Variants in PHF23 observed in about 807,000 individuals in gnomAD.
PHF23 encodes the protein PHD finger protein 23, also known as PDH-containing protein JUNE-1.
A neutral mutation model predicts 36.0 loss-of-function variants in PHF23; 3 were observed. The ratio of observed to expected loss-of-function variants is 0.08; its 90% CI spans 0.04 to 0.22. The LOEUF is 0.22. PHF23 is among the 10% of genes least tolerant of loss of function. The probability of loss-of-function intolerance (pLI) is 1.00; values close to 1 mark genes in which losing one functional copy is unlikely to be tolerated. For missense variants in PHF23, 475 were observed against 513.6 expected, an observed-to-expected ratio of 0.92 and a Z score of 0.73; for synonymous variants, 242 against 192.5, an observed-to-expected ratio of 1.26 and a Z score of -2.13.
At position 7,239,399 on chromosome 17, in the gene PHF23, T is replaced by C. The variant is rs1276820270; in HGVS notation, c.-120A>G. On this transcript the variant is annotated 5_prime_UTR_variant, in exon 1 of 5. Coordinates refer to ENST00000320316, the MANE Select transcript of PHF23 (RefSeq NM_024297.3). Reference sequence around the variant, plus strand: ...CACAGAAGTGTCCGCCTCAGCCCGGTTGAGACTCGAGTCCGCTAGCCGCTG... The same window carrying C: ...CACAGAAGTGTCCGCCTCAGCCCGGCTGAGACTCGAGTCCGCTAGCCGCTG... 3.8e-6 allele frequency: 2 copies of C among 526,738 alleles called. No individual in the cohort carries two copies. Among genetic ancestry groups the C allele is most frequent in the South Asian group, 2.1e-5 (1 of 47,140 alleles). The allele number at this position is 526,738 out of a possible 1,614,324, so 32.6% of individuals were successfully genotyped here.
At position 7,239,395 on chromosome 17, in the gene PHF23, C is replaced by A. The variant is rs1342766711; in HGVS notation, c.-116G>T. The A allele has an allele frequency of 9.5e-5, 53 of 558,170 alleles. No homozygotes were observed. Among genetic ancestry groups the A allele is most frequent in the Non-Finnish European group, 3.3e-6 (1 of 306,360 alleles). The allele number at this position is 558,170 out of a possible 1,614,324, so 34.6% of individuals were successfully genotyped here. Reference sequence around the variant, plus strand: ...GCTCCACAGAAGTGTCCGCCTCAGCCCGGTTGAGACTCGAGTCCGCTAGCC... The same window carrying A: ...GCTCCACAGAAGTGTCCGCCTCAGCACGGTTGAGACTCGAGTCCGCTAGCC... On this transcript the variant is annotated 5_prime_UTR_variant, in exon 1 of 5. Coordinates refer to ENST00000320316, the MANE Select transcript of PHF23 (RefSeq NM_024297.3).
At position 7,236,093 on chromosome 17, in the gene PHF23, G is replaced by A. The variant is rs61737789; in HGVS notation, c.834C>T (p.Pro278=). Residue 278 remains proline, a synonymous_variant, in exon 4 of 5, where the codon CCC becomes CCT. Coordinates refer to ENST00000320316, the MANE Select transcript of PHF23 (RefSeq NM_024297.3). This position sits in a 1 kb window ranked among gnomAD's most constrained non-coding sequence, Gnocchi z 5.1. ...GEAPVPVLPT[P]PEAPRPPATV... ...TGGCAGGGGGCCTAGGAGCCTCAGG[G>A]GGTGTTGGCAGCACAGGGACTGGGG... is the stretch of plus-strand genomic sequence containing the variant. The A allele has an allele frequency of 3.5e-3, 5,611 of 1,613,142 alleles. 174 individuals carry two copies. In the African/African-American group the frequency reaches 0.063, roughly 18 times the overall value.
Position 7,235,484 on chromosome 17 carries a change from T to C in PHF23, c.*142A>G, listed in dbSNP as rs1597559867. On this transcript the variant is annotated 3_prime_UTR_variant, in exon 5 of 5. Coordinates refer to ENST00000320316, the MANE Select transcript of PHF23 (RefSeq NM_024297.3). ...AGGATAGGGTGGGAAAGTGAGACAC[T>C]CATTTTCAAACAAGTCTCCCTTGAG... 1.2e-6 allele frequency: 1 copy of C among 836,586 alleles called. No individual in the cohort carries two copies. The highest frequency in any genetic ancestry group is 1.7e-5 in the African/African-American group (1 of 58,798). 51.8% of individuals were successfully genotyped at this position (836,586 alleles called of 1,614,324 possible).
chr17:7,235,773 C>T lies in PHF23; in HGVS notation c.1065G>A (p.Glu355=), dbSNP rs757510261. Reference sequence around the variant, plus strand: ...GGATCCACGTCCCACACAGGCTGCACTCAATCATGGGCCGCCCTGCAAAGG... The same window carrying T: ...GGATCCACGTCCCACACAGGCTGCATTCAATCATGGGCCGCCCTGCAAAGG... ...RKPFAGRPMI[E]CSLCGTWIHL... The change falls in exon 5 of 5, where the codon GAG becomes GAA. Residue 355 remains glutamate (E), a synonymous_variant. Transcript: ENST00000320316. The T allele has an allele frequency of 9.9e-6, 16 of 1,614,160 alleles. No individual in the cohort carries two copies. Among genetic ancestry groups the T allele is most frequent in the Non-Finnish European group, 1.4e-5 (16 of 1,180,044 alleles).
At position 7,235,927 on chromosome 17, in the gene PHF23, C is replaced by T; in HGVS notation, c.997+3G>A. On this transcript the variant is annotated splice_donor_region_variant and intron_variant, in intron 4 of 4. Transcript: ENST00000320316. ...ACCCCTCGCCCCAGCCCGAACCTCT[C>T]ACCTGATTCTACCATGATGTCCTCG... 1 of 1,610,866 alleles carries T rather than the reference C, an allele frequency of 6.2e-7. No homozygotes were observed. The highest frequency in any genetic ancestry group is 8.5e-7 in the Non-Finnish European group (1 of 1,177,398).
Position 7,236,843 on chromosome 17 carries a change from GGAGT to G in PHF23, c.160-80_160-77del. The G allele has an allele frequency of 6.6e-7, 1 of 1,513,668 alleles. No homozygotes were observed. The highest frequency in any genetic ancestry group is 8.8e-7 in the Non-Finnish European group (1 of 1,140,246). 93.8% of individuals were successfully genotyped at this position (1,513,668 alleles called of 1,614,324 possible). Reference sequence around the variant, plus strand: ...CCCCTCCACAAACCCAGCTTGAAAAGGAGTGACTGGATTTACCCCAAAATGTCCT... The same window carrying G: ...CCCCTCCACAAACCCAGCTTGAAAAGGACTGGATTTACCCCAAAATGTCCT... On this transcript the variant is annotated intron_variant, in intron 3 of 4. Transcript: ENST00000320316. The surrounding 1 kb of genome is among the most constrained non-coding windows in gnomAD (Gnocchi z 5.1).
chr17:7,236,579 G>A lies in PHF23; in HGVS notation c.348C>T (p.Phe116=), dbSNP rs1316625139. Residue 116 remains phenylalanine, a synonymous_variant, in exon 4 of 5, where the codon TTC becomes TTT. Transcript: ENST00000320316. The surrounding 1 kb of genome is among the most constrained non-coding windows in gnomAD (Gnocchi z 5.1). The part of the protein sequence containing the change: ...PTQPGPPRST[F]SRLQAPDSAT... Reference sequence around the variant, plus strand: ...CACTGTCGGGGGCCTGCAGACGAGAGAAAGTGGACCTTGGGGGTCCTGGCT... The same window carrying A: ...CACTGTCGGGGGCCTGCAGACGAGAAAAAGTGGACCTTGGGGGTCCTGGCT... The A allele has an allele frequency of 2.5e-6, 4 of 1,614,098 alleles. No homozygotes were observed. In the African/African-American group the frequency reaches 4.0e-5, roughly 16 times the overall value.
chr17:7,235,925 C>T lies in PHF23; in HGVS notation c.997+5G>A. The T allele has an allele frequency of 6.2e-7, 1 of 1,610,982 alleles. No homozygotes were observed. Among genetic ancestry groups the T allele is most frequent in the Non-Finnish European group, 8.5e-7 (1 of 1,177,444 alleles). ...AAACCCCTCGCCCCAGCCCGAACCT[C>T]TCACCTGATTCTACCATGATGTCCT... On this transcript the variant is annotated splice_donor_5th_base_variant and intron_variant, in intron 4 of 4. Coordinates refer to ENST00000320316, the MANE Select transcript of PHF23 (RefSeq NM_024297.3).
chr17:7,236,469 G>A lies in PHF23; in HGVS notation c.458C>T (p.Ser153Phe), dbSNP rs202244473. ...AGGGGGCCGGGAGGTATGTGTCAGGGATGTGGGGGACAAAGGAGATGCCAC... is the reference window on the plus strand; with the variant it reads ...AGGGGGCCGGGAGGTATGTGTCAGGAATGTGGGGGACAAAGGAGATGCCAC... ...PKVASPLSPTSLTHTSRPPAA... is the reference protein window; with the variant it reads ...PKVASPLSPTFLTHTSRPPAA... Residue 153 changes from serine (S) to phenylalanine (F), a missense_variant, in exon 4 of 5, where the codon TCC (serine) becomes TTC (phenylalanine). By Grantham distance (155) the Ser-to-Phe change is radical (BLOSUM62 -2). Transcript: ENST00000320316. This position sits in a 1 kb window ranked among gnomAD's most constrained non-coding sequence, Gnocchi z 5.1. 1 of 1,613,900 alleles carries A rather than the reference G, an allele frequency of 6.2e-7. No homozygotes were observed. The highest frequency in any genetic ancestry group is 1.3e-5 in the African/African-American group (1 of 75,028).
chr17:7,240,631 G>C (rs2071765760), upstream of PHF23: 2 of 524,580 alleles, frequency 3.8e-6, no homozygotes, highest in African/African-American at 1.9e-5. Flanking sequence ...GGATGGGAAA[G>C]GCGGGCAGAG....
chr17:7,236,230 G>A lies in PHF23; in HGVS notation c.697C>T (p.Pro233Ser). 6.2e-7 allele frequency: 1 copy of A among 1,613,360 alleles called. No individual in the cohort carries two copies. Among genetic ancestry groups the A allele is most frequent in the Non-Finnish European group, 8.5e-7 (1 of 1,179,602 alleles). ...LKKAERGDRL[P>S]PPGPPQAPPS... ...GGTGCCTGGGGAGGCCCAGGAGGTG[G>A]GAGTCTATCCCCCCGTTCTGCCTTT... Residue 233 changes from proline (P) to serine (S), a missense_variant, in exon 4 of 5, where the codon CCA becomes TCA. Physicochemically the swap from Pro to Ser is moderately conservative, Grantham distance 74. Around this residue, in one of 5 missense-constraint regions of PHF23, gnomAD observed 350 missense variants for 319.8 expected, o/e 1.09. Transcript: ENST00000320316. This position sits in a 1 kb window ranked among gnomAD's most constrained non-coding sequence, Gnocchi z 5.1.
In PHF23 at chr17:7,239,281, G is replaced by T; in HGVS notation, c.-2C>A. 2 of 1,473,912 alleles carry T rather than the reference G, an allele frequency of 1.4e-6. No individual in the cohort carries two copies. The highest frequency in any genetic ancestry group is 1.9e-6 in the Non-Finnish European group (2 of 1,066,842). 91.3% of individuals were successfully genotyped at this position (1,473,912 alleles called of 1,614,324 possible). On this transcript the variant is annotated 5_prime_UTR_variant, in exon 1 of 5. Transcript: ENST00000320316. ...GGGCTCCGCCATGGCTTCCAGCATC[G>T]CCCCCTCCCCTCCTCCCGGTCCGGC...
upstream of PHF23, chr17:7,240,668 T>G: frequency 1.1e-5 from 6 of 555,872 alleles, no homozygotes; most frequent in Admixed American, 3.3e-5. Flanking sequence ...GAAAGGAGAG[T>G]TACAAGATGC....
chr17:7,235,926 T>C lies in PHF23; in HGVS notation c.997+4A>G, dbSNP rs549800572. The C allele has an allele frequency of 4.6e-5, 74 of 1,610,660 alleles. No homozygotes were observed. The South Asian group carries it at 7.3e-4, about 16-fold the overall frequency. On this transcript the variant is annotated splice_donor_region_variant and intron_variant, in intron 4 of 4. Coordinates refer to ENST00000320316, the MANE Select transcript of PHF23 (RefSeq NM_024297.3). ...AACCCCTCGCCCCAGCCCGAACCTC[T>C]CACCTGATTCTACCATGATGTCCTC...
At chr17:7,240,618 G>A (rs904565100), upstream of PHF23, 13 of 508,154 alleles carry the variant, frequency 2.6e-5, no homozygotes, top group Non-Finnish European at 4.2e-5. Context: ...GAAGTCTACA[G>A]CAGGATGGGA....
chr17:7,237,574 GC>G (rs1331461329), intron 2 of PHF23, 54 bp downstream of exon 2: 1 of 1,607,736 alleles, frequency 6.2e-7, no homozygotes, highest in Admixed American at 1.7e-5. Context: ...GAAAAGGGGG[GC>G]GGGGGGCGTT....
chr17:7,240,740 C>T (rs2071767105), upstream of PHF23: 7 of 724,222 alleles, frequency 9.7e-6, no homozygotes, highest in African/African-American at 8.8e-5. Context: ...TTAAGAAGTG[C>T]CGGTCCTGAA....
rs1223582564 is a variant in PHF23 at position 7,236,378 on chromosome 17, T to C, written c.549A>G (p.Arg183=). ...CTCCTGGCCCCAACTTTCGGTTCTT[T>C]CGGTCCTTCTTTCGAGGAGGATGGG... ...DLSHPPRKKD[R]KNRKLGPGAG... The change falls in exon 4 of 5, where the codon CGA becomes CGG. Residue 183 remains arginine, a synonymous_variant. Transcript: ENST00000320316. The surrounding 1 kb of genome is among the most constrained non-coding windows in gnomAD (Gnocchi z 5.1). 1.2e-6 allele frequency: 2 copies of C among 1,614,146 alleles called. No homozygotes were observed.
chr17:7,236,464 T>C lies in PHF23; in HGVS notation c.463A>G (p.Thr155Ala). 1 of 1,613,734 alleles carries C rather than the reference T, an allele frequency of 6.2e-7. No individual in the cohort carries two copies. The highest frequency in any genetic ancestry group is 2.2e-5 in the East Asian group (1 of 44,864). ...VASPLSPTSL[T>A]HTSRPPAALT... ...GCAGCAGGGGGCCGGGAGGTATGTG[T>C]CAGGGATGTGGGGGACAAAGGAGAT... The change falls in exon 4 of 5, where the codon ACA becomes GCA. Residue 155 changes from threonine (T) to alanine (A), a missense_variant. Physicochemically the swap from Thr to Ala is moderately conservative, Grantham distance 58 (BLOSUM62 0). Around this residue, in one of 5 missense-constraint regions of PHF23, gnomAD observed 350 missense variants for 319.8 expected, o/e 1.09. Coordinates refer to ENST00000320316, the MANE Select transcript of PHF23 (RefSeq NM_024297.3). This position sits in a 1 kb window ranked among gnomAD's most constrained non-coding sequence, Gnocchi z 5.1.
Sources: gnomAD v4.1 joint callset for allele counts on GRCh38, gnomAD v4.1.1 for gene constraint, gnomAD v4.1.1 regional missense constraint, Gnocchi (gnomAD v3.1) non-coding constraint, MANE v1.5 for transcripts, NCBI Gene and HGNC (gene_info 2026-07-23, HGNC 2026-07-21) for gene names.